Variants in AGBL1 observed in about 807,000 individuals in gnomAD.
AGBL1 encodes the protein cytosolic carboxypeptidase 4.
AGBL1 carries 130 observed loss-of-function variants against 118.9 expected under a neutral mutation model. The ratio of observed to expected loss-of-function variants is 1.09; its 90% CI spans 0.95 to 1.26. The LOEUF (loss-of-function observed/expected upper bound fraction) is 1.26. Ranked by LOEUF, AGBL1 falls within the 50% of genes most tolerant of loss-of-function variation. AGBL1 has a pLI of 0.00. For missense variants in AGBL1, 1,584 were observed against 1,298.1 expected, an observed-to-expected ratio of 1.22 and a Z score of -3.38; for synonymous variants, 555 against 478.9, an observed-to-expected ratio of 1.16 and a Z score of -2.08.
chr15:86,351,779 T>C (rs933192636), intron 17 of AGBL1, among the ~76,000 whole-genome samples: 1 of 152,234 alleles, frequency 6.6e-6, no homozygotes, highest in Non-Finnish European at 1.5e-5. Context: ...TTTTCTGTCC[T>C]TCTGTTCACC....
At chr15:86,635,062 A>G (rs2085053110) in intron 21 of AGBL1, among the ~76,000 whole-genome samples, 1 of 152,158 alleles carries the variant, frequency 6.6e-6, no homozygotes, top group African/African-American at 2.4e-5. Context: ...ATGAATTAGG[A>G]GAAAAGTAAT....
At chr15:86,919,341 C>T (rs550485345), downstream of AGBL1, among the ~76,000 whole-genome samples, 20 of 152,262 alleles carry the variant, frequency 1.3e-4, no homozygotes, top group African/African-American at 4.8e-4. Context: ...CAGTGATATT[C>T]CCGAAAGACA....
intron 22 of AGBL1, among the ~76,000 whole-genome samples, chr15:86,723,079 T>G (rs890766499): frequency 2.0e-5 from 3 of 152,216 alleles, no homozygotes; most frequent in African/African-American, 4.8e-5. Flanking sequence ...GTTCAACCAT[T>G]GTGGAAGTCA....
At position 86,909,211 on chromosome 15, in the gene AGBL1, T is replaced by C. The variant is rs527875964; in HGVS notation, c.*1917T>C. Reference sequence around the variant, plus strand: ...AGAGGTTAGAAAACATAGTCTTTATTTGAGGTGGGCCCAGCTAAAATTTGA... The same window carrying C: ...AGAGGTTAGAAAACATAGTCTTTATCTGAGGTGGGCCCAGCTAAAATTTGA... On this transcript the variant is annotated 3_prime_UTR_variant, in exon 23 of 23. Coordinates refer to ENST00000614907, the MANE Select transcript of AGBL1 (RefSeq NM_001386094.1). 244 of 152,378 alleles carry C rather than the reference T, an allele frequency of 1.6e-3. 1 individual carries two copies. Among genetic ancestry groups the C allele is most frequent in the African/African-American group, 5.7e-3 (235 of 41,580 alleles). The allele number at this position is 152,378 out of a possible 1,614,324, so 9.4% of individuals were successfully genotyped here.
chr15:86,865,556 G>T (rs193069751), intron 22 of AGBL1, among the ~76,000 whole-genome samples: 1 of 152,288 alleles, frequency 6.6e-6, no homozygotes. Flanking sequence ...AGTTTAAGCG[G>T]ATGACAAGTT....
At chr15:86,216,404 A>G (rs1481377945) in intron 5 of AGBL1, among the ~76,000 whole-genome samples, 6 of 152,204 alleles carry the variant, frequency 3.9e-5, no homozygotes, top group African/African-American at 1.4e-4. Flanking sequence ...GATTTTCTAT[A>G]GGCCACTTTA....
intron 22 of AGBL1, among the ~76,000 whole-genome samples, chr15:86,706,954 T>C (rs2142668599): frequency 1.3e-5 from 2 of 152,214 alleles, no homozygotes; most frequent in East Asian, 3.9e-4. Context: ...GTGGAAAACG[T>C]AGTCAAAAGG....
At chr15:86,460,634 G>T (rs529446682) in intron 18 of AGBL1, among the ~76,000 whole-genome samples, 3 of 152,322 alleles carry the variant, frequency 2.0e-5, no homozygotes, top group African/African-American at 7.2e-5. Context: ...TTGGGAATTT[G>T]CAAGTTTAAC....
chr15:86,195,722 G>A lies in AGBL1; in HGVS notation c.489-29192G>A, dbSNP rs117868928. On this transcript the variant is annotated intron_variant, in intron 5 of 22. Coordinates refer to ENST00000614907, the MANE Select transcript of AGBL1 (RefSeq NM_001386094.1). ...TTTTATTGAGGACTTTTGGCAAAAC[G>A]TGGTTTAAATGGCAACTAAACCACA... Among the ~76,000 whole-genome samples, 286 of 152,252 alleles carry A rather than the reference G, an allele frequency of 1.9e-3. 1 individual carries two copies. Among genetic ancestry groups the A allele is most frequent in the Non-Finnish European group, 3.5e-3 (236 of 68,012 alleles).
At chr15:86,462,656 C>G (rs557029166) in intron 18 of AGBL1, among the ~76,000 whole-genome samples, 19 of 152,214 alleles carry the variant, frequency 1.2e-4, no homozygotes, top group African/African-American at 4.1e-4. Flanking sequence ...CACTGTTCAA[C>G]TCCTACTTAT....
At chr15:86,498,240 G>A (rs1317098135) in intron 18 of AGBL1, among the ~76,000 whole-genome samples, 3 of 151,536 alleles carry the variant, frequency 2.0e-5, no homozygotes, top group East Asian at 2.0e-4. Flanking sequence ...TCCATATCTT[G>A]GTTTTATCTC....
At chr15:86,792,866 C>T (rs558619630) in intron 22 of AGBL1, among the ~76,000 whole-genome samples, 2 of 152,146 alleles carry the variant, frequency 1.3e-5, no homozygotes, top group Non-Finnish European at 2.9e-5. Context: ...GCTATATCTC[C>T]ATGATTCCCA....
chr15:86,394,800 A>G (rs1305003186), intron 17 of AGBL1, among the ~76,000 whole-genome samples: 1 of 152,152 alleles, frequency 6.6e-6, no homozygotes, highest in Non-Finnish European at 1.5e-5. Flanking sequence ...TTACCAGATG[A>G]AACTGTCCCC....
chr15:86,459,066 T>A (rs769470717), intron 18 of AGBL1, among the ~76,000 whole-genome samples: 3 of 152,174 alleles, frequency 2.0e-5, no homozygotes, highest in African/African-American at 4.8e-5. Context: ...CAAATTATAG[T>A]TTGATCCAAG....
chr15:86,680,230 T>C, intron 22 of AGBL1, among the ~76,000 whole-genome samples: 1 of 152,212 alleles, frequency 6.6e-6, no homozygotes, highest in East Asian at 1.9e-4. Context: ...TGCTCATCTC[T>C]ACCCATTGTA....
chr15:86,227,882 T>C (rs1341477914), intron 6 of AGBL1, among the ~76,000 whole-genome samples: 1 of 152,146 alleles, frequency 6.6e-6, no homozygotes, highest in Non-Finnish European at 1.5e-5. Flanking sequence ...GGAGGGCAAA[T>C]AGATTTAATA....
chr15:86,427,125 G>A (rs1017361318), intron 18 of AGBL1, among the ~76,000 whole-genome samples: 4 of 152,112 alleles, frequency 2.6e-5, no homozygotes, highest in Non-Finnish European at 5.9e-5. Flanking sequence ...TTGACTTCAT[G>A]TTTTCTTTGT....
intron 17 of AGBL1, among the ~76,000 whole-genome samples, chr15:86,375,306 A>T (rs1405557901): frequency 6.6e-6 from 1 of 152,158 alleles, no homozygotes; most frequent in African/African-American, 2.4e-5. Context: ...CTTCTTCACA[A>T]GTCGGCAGGA....
rs890710875 is a variant in AGBL1 at position 86,478,608 on chromosome 15, C to T, written c.2556-44202C>T. Among the ~76,000 whole-genome samples, 3 of 152,168 alleles carry T rather than the reference C, an allele frequency of 2.0e-5. No individual in the cohort carries two copies. In the South Asian group the frequency reaches 6.2e-4, roughly 32 times the overall value. On this transcript the variant is annotated intron_variant, in intron 18 of 22. Coordinates refer to ENST00000614907, the MANE Select transcript of AGBL1 (RefSeq NM_001386094.1). ...GGACACAAACAAATGGAAGAACATTCCATGCTCATGGATAGGAAGAATCAA... is the reference window on the plus strand; with the variant it reads ...GGACACAAACAAATGGAAGAACATTTCATGCTCATGGATAGGAAGAATCAA...
Sources: allele counts gnomAD v4.1 joint callset (sites outside exome capture counted in the v4.1 genomes callset), GRCh38; gene constraint gnomAD v4.1.1; transcripts MANE v1.5; gene names NCBI Gene and HGNC (gene_info 2026-07-23, HGNC 2026-07-21).